The following LRRC4C variants were observed in gnomAD, a reference collection of about 807,000 sequenced individuals.
LRRC4C encodes leucine-rich repeat-containing protein 4C.
LRRC4C carries 5 observed loss-of-function variants against 33.6 expected under a neutral mutation model. The observed-to-expected ratio is 0.15, with a 90% CI of 0.08 to 0.31. The LOEUF (loss-of-function observed/expected upper bound fraction) is 0.31. Among genes scored for constraint, LRRC4C ranks in the 10% least tolerant of loss-of-function variants. LRRC4C has a pLI of 1.00. For missense variants in LRRC4C, 560 were observed against 796.7 expected (o/e 0.70, Z 3.58); for synonymous variants, 329 against 302.0 (o/e 1.09, Z -0.93).
At chr11:40,899,603 CTG>C (rs923776476) in intron 2 of LRRC4C, among the ~76,000 whole-genome samples, 1 of 152,154 alleles carries the variant, frequency 6.6e-6, no homozygotes, top group Non-Finnish European at 1.5e-5. Flanking sequence ...CTTTATAAAA[CTG>C]TGTCTTAATG....
chr11:40,521,088 G>A (rs1955791814), intron 3 of LRRC4C, among the ~76,000 whole-genome samples: 1 of 152,124 alleles, frequency 6.6e-6, no homozygotes. Context: ...TTTGTGAAAT[G>A]TAGGAGAAAT....
chr11:40,778,117 T>C (rs1950080728), intron 2 of LRRC4C, among the ~76,000 whole-genome samples: 3 of 152,220 alleles, frequency 2.0e-5, no homozygotes, highest in African/African-American at 4.8e-5. Flanking sequence ...AGCTAGCTGC[T>C]TTGTAGTTTC....
At chr11:40,246,692 A>G (rs1866366698) in intron 4 of LRRC4C, among the ~76,000 whole-genome samples, 1 of 152,154 alleles carries the variant, frequency 6.6e-6, no homozygotes, top group Non-Finnish European at 1.5e-5. Context: ...TTCTATACCC[A>G]TGAGGTTATA....
intron 1 of LRRC4C, among the ~76,000 whole-genome samples, chr11:41,262,659 T>G (rs987322281): frequency 4.6e-5 from 7 of 152,298 alleles, no homozygotes; most frequent in South Asian, 2.1e-4. Flanking sequence ...TTATTTTTTA[T>G]TTTATTTTAG....
intron 1 of LRRC4C, among the ~76,000 whole-genome samples, chr11:40,979,652 G>A (rs931443538): frequency 6.6e-6 from 1 of 152,114 alleles, no homozygotes; most frequent in Non-Finnish European, 1.5e-5. Context: ...ATTTAGTAAT[G>A]GTAAAGTTTC....
At chr11:40,511,803 A>T (rs965757925) in intron 3 of LRRC4C, among the ~76,000 whole-genome samples, 2 of 152,142 alleles carry the variant, frequency 1.3e-5, no homozygotes, top group Non-Finnish European at 2.9e-5. Flanking sequence ...ATATTGGGAG[A>T]GTGGGCTATA....
At chr11:40,761,915 C>T (rs1003252796) in intron 2 of LRRC4C, among the ~76,000 whole-genome samples, 23 of 152,106 alleles carry the variant, frequency 1.5e-4, no homozygotes, top group African/African-American at 5.1e-4. Flanking sequence ...CGCTCAGAGA[C>T]AAGCAGTATA....
At chr11:40,667,587 AG>A (rs1224336779) in intron 2 of LRRC4C, among the ~76,000 whole-genome samples, 1 of 152,202 alleles carries the variant, frequency 6.6e-6, no homozygotes, top group Non-Finnish European at 1.5e-5. Context: ...GTCTCTTGTT[AG>A]GCTGGAAGAA....
intron 4 of LRRC4C, among the ~76,000 whole-genome samples, chr11:40,247,422 G>C (rs533406813): frequency 1.3e-5 from 2 of 152,218 alleles, no homozygotes; most frequent in Admixed American, 6.5e-5. Context: ...AGATCGCAAT[G>C]GGTTAAGTGA....
intron 1 of LRRC4C, among the ~76,000 whole-genome samples, chr11:41,139,472 T>C (rs1312713751): frequency 6.6e-6 from 1 of 152,202 alleles, no homozygotes; most frequent in African/African-American, 2.4e-5. Flanking sequence ...ATGGCAATAA[T>C]ATTGAAGAGA....
chr11:41,202,346 C>T (rs1179670240), intron 1 of LRRC4C, among the ~76,000 whole-genome samples: 1 of 152,140 alleles, frequency 6.6e-6, no homozygotes, highest in Non-Finnish European at 1.5e-5. Context: ...TCAATAGCAG[C>T]TCATCAATTT....
At chr11:40,664,688 A>G (rs541244010) in intron 2 of LRRC4C, among the ~76,000 whole-genome samples, 1 of 152,296 alleles carries the variant, frequency 6.6e-6, no homozygotes, top group South Asian at 2.1e-4. Flanking sequence ...TTTACAGACA[A>G]ATTCCCCTAG....
At chr11:41,342,351 C>G (rs1951668113) in intron 1 of LRRC4C, among the ~76,000 whole-genome samples, 1 of 152,160 alleles carries the variant, frequency 6.6e-6, no homozygotes, top group East Asian at 1.9e-4. Context: ...GTTTTCTGCT[C>G]TCCACATAGA....
chr11:40,482,007 G>C (rs778014464), intron 3 of LRRC4C, among the ~76,000 whole-genome samples: 14 of 152,124 alleles, frequency 9.2e-5, no homozygotes, highest in Non-Finnish European at 1.9e-4. Flanking sequence ...AGATTAGAAA[G>C]TTCAAACAAA....
At chr11:40,927,628 C>T (rs796678994) in intron 2 of LRRC4C, among the ~76,000 whole-genome samples, 46 of 152,196 alleles carry the variant, frequency 3.0e-4, no homozygotes, top group African/African-American at 1.1e-3. Flanking sequence ...GATTCTAGTC[C>T]TTTGCTCTTT....
At chr11:40,951,469 C>T (rs1263629624) in intron 1 of LRRC4C, among the ~76,000 whole-genome samples, 1 of 151,832 alleles carries the variant, frequency 6.6e-6, no homozygotes, top group East Asian at 1.9e-4. Context: ...ACTTAAACAT[C>T]AAGGCAGGCT....
intron 1 of LRRC4C, among the ~76,000 whole-genome samples, chr11:41,009,304 A>G (rs1417905654): frequency 6.6e-6 from 1 of 152,002 alleles, no homozygotes; most frequent in African/African-American, 2.4e-5. Flanking sequence ...TTTTTCGAGT[A>G]TCATTATCTA....
At chr11:40,967,940 A>C (rs1851473577) in intron 1 of LRRC4C, among the ~76,000 whole-genome samples, 1 of 152,028 alleles carries the variant, frequency 6.6e-6, no homozygotes, top group Non-Finnish European at 1.5e-5. Context: ...GTGTAAGAAA[A>C]AAACACATAT....
At chr11:41,113,079 C>G (rs1407965567) in intron 1 of LRRC4C, among the ~76,000 whole-genome samples, 1 of 152,042 alleles carries the variant, frequency 6.6e-6, no homozygotes, top group African/African-American at 2.4e-5. Flanking sequence ...CAAACAATAT[C>G]TAACCATGCT....
Sources: allele counts gnomAD v4.1 joint callset (sites outside exome capture counted in the v4.1 genomes callset), GRCh38; gene constraint gnomAD v4.1.1; transcripts MANE v1.5; gene names NCBI Gene and HGNC (gene_info 2026-07-23, HGNC 2026-07-21).